Variants in SATB2 observed in about 807,000 individuals in gnomAD.
SATB2 encodes SATB homeobox 2.
Under a neutral mutation model 73.4 loss-of-function variants are expected in SATB2, and 1 was observed. The ratio of observed to expected loss-of-function variants is 0.01; its 90% confidence interval spans 0.00 to 0.06. The LOEUF is 0.06. SATB2 is among the 10% of genes least tolerant of loss of function. The pLI, the probability that SATB2 is intolerant of heterozygous loss-of-function variation, is 1.00. For synonymous variants in SATB2, 397 were observed against 367.0 expected (o/e 1.08, Z -0.93); for missense variants, 459 against 945.8 (o/e 0.49, Z 6.75).
intron 10 of SATB2, among the ~76,000 whole-genome samples, chr2:199,293,724 C>T (rs996483599): frequency 1.3e-5 from 2 of 152,054 alleles, no homozygotes; most frequent in East Asian, 1.9e-4. Context: ...GCTGAGGATT[C>T]GCTTTTGGTA....
intron 6 of SATB2, among the ~76,000 whole-genome samples, chr2:199,356,537 T>A (rs948096861): frequency 6.6e-6 from 1 of 152,154 alleles, no homozygotes; most frequent in South Asian, 2.1e-4. Flanking sequence ...AAGACAACGA[T>A]CTTGTCTAAT....
rs1689781062 is a variant in SATB2, at chr2:199,381,708, T to C, written c.459A>G (p.Lys153=). 3 of 1,613,950 alleles carry C rather than the reference T, an allele frequency of 1.9e-6. No individual in the cohort carries two copies. Among genetic ancestry groups the C allele is most frequent in the Non-Finnish European group, 2.5e-6 (3 of 1,179,962 alleles). Residue 153 remains lysine (K), a synonymous_variant, in exon 4 of 11, where the codon AAA becomes AAG. Coordinates refer to ENST00000417098, the MANE Select transcript of SATB2 (RefSeq NM_001172509.2). ...GAAACACCCACCTTTGTAATTGGAT[T>C]TTCAACGTCACAACATGATAGACAT... is the stretch of plus-strand genomic sequence containing the variant. ...LQDVYHVVTL[K]IQLQSCSKLE...
chr2:199,302,209 T>A (rs1226624546), intron 10 of SATB2, among the ~76,000 whole-genome samples: 1 of 152,190 alleles, frequency 6.6e-6, no homozygotes, highest in East Asian at 1.9e-4. Context: ...CTACTGACTG[T>A]AATGAACTTC....
At chr2:199,383,074 G>A (rs1418057675) in intron 3 of SATB2, among the ~76,000 whole-genome samples, 1 of 152,014 alleles carries the variant, frequency 6.6e-6, no homozygotes, top group Non-Finnish European at 1.5e-5. Flanking sequence ...TTGAAAACAG[G>A]GAATAAACAG....
chr2:199,383,427 G>A (rs191700276), intron 3 of SATB2, among the ~76,000 whole-genome samples: 177 of 152,188 alleles, frequency 1.2e-3, no homozygotes, highest in African/African-American at 4.0e-3. Context: ...CCTGACATTT[G>A]CAAATACTAA....
intron 6 of SATB2, among the ~76,000 whole-genome samples, chr2:199,357,329 T>C (rs1242159059): frequency 6.6e-6 from 1 of 152,346 alleles, no homozygotes; most frequent in South Asian, 2.1e-4. Context: ...GAAAAGACTG[T>C]CAATTCAAAA....
In SATB2 at chr2:199,313,610, G is replaced by A. The variant is rs190177213; in HGVS notation, c.1543-4653C>T. Among the ~76,000 whole-genome samples the A allele has an allele frequency of 6.1e-4, 93 of 152,260 alleles. No individual in the cohort carries two copies. The East Asian group carries it at 0.017, about 28-fold the overall frequency. On this transcript the variant is annotated intron_variant, in intron 9 of 10. Transcript: ENST00000417098. ...ACTCCTACCAGTCAAGATATAGTTT[G>A]TTTACAATCCAAGTGTTCCTGAAAA...
intron 3 of SATB2, among the ~76,000 whole-genome samples, chr2:199,392,761 C>T (rs947288465): frequency 2.0e-5 from 3 of 152,154 alleles, no homozygotes; most frequent in Non-Finnish European, 2.9e-5. Context: ...AAGAAACAAA[C>T]TCCCCTGCCT....
intron 10 of SATB2, among the ~76,000 whole-genome samples, chr2:199,289,466 G>C (rs1428487752): frequency 6.6e-6 from 1 of 152,080 alleles, no homozygotes; most frequent in East Asian, 1.9e-4. Flanking sequence ...ACTCCCACAA[G>C]GCCATTCAGC....
chr2:199,432,541 T>C (rs1691533428), intron 3 of SATB2, among the ~76,000 whole-genome samples: 2 of 152,214 alleles, frequency 1.3e-5, no homozygotes, highest in African/African-American at 4.8e-5. Context: ...AGTTACGGAT[T>C]TCTCTCCTTT....
chr2:199,271,986 G>C lies in SATB2; in HGVS notation c.*225C>G. The stretch of plus-strand genomic sequence containing the variant: ...AACGCTTTAGTGTCTTTGCCAAGGC[G>C]ATGTCTGATTCGGAAATACTGAACT... On this transcript the variant is annotated 3_prime_UTR_variant, in exon 11 of 11. Transcript: ENST00000417098. 4 of 586,518 alleles carry C rather than the reference G, an allele frequency of 6.8e-6. No homozygotes were observed. Among genetic ancestry groups the C allele is most frequent in the South Asian group, 6.0e-5 (3 of 49,598 alleles). The allele number at this position is 586,518 out of a possible 1,614,324, so 36.3% of individuals were successfully genotyped here. A position where few individuals can be genotyped will look rare whatever the true frequency, so the allele number is the denominator to read the frequency against.
At chr2:199,349,642 T>C (rs921859396) in intron 6 of SATB2, among the ~76,000 whole-genome samples, 1 of 152,220 alleles carries the variant, frequency 6.6e-6, no homozygotes, top group African/African-American at 2.4e-5. Context: ...AATATTATTA[T>C]ACAGCTATGG....
intron 5 of SATB2, among the ~76,000 whole-genome samples, chr2:199,379,682 C>CTTTTTTT (rs71015899): frequency 2.7e-4 from 29 of 108,248 alleles, no homozygotes; most frequent in Non-Finnish European, 3.8e-4. Context: ...CTTTTCTTTT[C>CTTTTTTT]TTTTTTTTTT....
chr2:199,466,868 C>G (rs1171665428), upstream of SATB2, among the ~76,000 whole-genome samples: 2 of 152,236 alleles, frequency 1.3e-5, no homozygotes, highest in East Asian at 3.8e-4. Flanking sequence ...TTGCCAGACC[C>G]TGTGCCATCT....
chr2:199,455,078 A>G lies in SATB2; in HGVS notation c.169+791T>C, dbSNP rs974706493. Among the ~76,000 whole-genome samples, 4 of 152,234 alleles carry G rather than the reference A, an allele frequency of 2.6e-5. No individual in the cohort carries two copies. Among genetic ancestry groups the G allele is most frequent in the African/African-American group, 9.6e-5 (4 of 41,478 alleles). ...GGCATACAAACTCCAAAATATTTCA[A>G]TGTTTAAATTTCTCCCATATCTTTA... On this transcript the variant is annotated intron_variant, in intron 2 of 10. Transcript: ENST00000417098. The surrounding 1 kb of genome is among the most constrained non-coding windows in gnomAD (Gnocchi z 4.1).
intron 9 of SATB2, among the ~76,000 whole-genome samples, chr2:199,316,016 A>G: frequency 6.6e-6 from 1 of 152,116 alleles, no homozygotes; most frequent in East Asian, 1.9e-4. Context: ...CATCTTCAAT[A>G]CAGAAAATGT....
chr2:199,422,505 A>G (rs1309000504), intron 3 of SATB2, among the ~76,000 whole-genome samples: 1 of 152,184 alleles, frequency 6.6e-6, no homozygotes. Flanking sequence ...ATTTTAAAAT[A>G]CATATCTTCA....
intron 10 of SATB2, among the ~76,000 whole-genome samples, chr2:199,281,482 T>TATACACACAC (rs1553539933): frequency 2.5e-3 from 374 of 150,658 alleles, no homozygotes; most frequent in African/African-American, 8.6e-3. Flanking sequence ...ATGAGATATA[T>TATACACACAC]ACACACACAC....
At chr2:199,413,724 T>G (rs1690889819) in intron 3 of SATB2, among the ~76,000 whole-genome samples, 1 of 151,816 alleles carries the variant, frequency 6.6e-6, no homozygotes, top group Non-Finnish European at 1.5e-5. Flanking sequence ...ACGAGAGGCA[T>G]TTGGCCTTCT....
Sources: allele counts gnomAD v4.1 joint callset (sites outside exome capture counted in the v4.1 genomes callset), GRCh38; gene constraint gnomAD v4.1.1; non-coding constraint Gnocchi (gnomAD v3.1); transcripts MANE v1.5; gene names NCBI Gene and HGNC (gene_info 2026-07-23, HGNC 2026-07-21).